The following TAOK1 variants were observed in gnomAD, a reference collection of about 807,000 sequenced individuals.
The protein encoded by TAOK1 is serine/threonine-protein kinase TAO1.
TAOK1 carries 21 observed loss-of-function variants against 138.3 expected under a neutral mutation model. That is an observed-to-expected ratio of 0.15 (90% CI 0.11 to 0.22). The LOEUF is 0.22. Ranked by LOEUF, TAOK1 falls within the 10% of genes least tolerant of loss-of-function variation. The probability of loss-of-function intolerance (pLI) is 1.00; values close to 1 mark genes in which losing one functional copy is unlikely to be tolerated. For missense variants in TAOK1, 651 were observed against 1,227.7 expected (o/e 0.53, Z 7.02); for synonymous variants, 361 against 398.4 (o/e 0.91, Z 1.12).
At chr17:29,466,282 T>C (rs1170644871) in intron 2 of TAOK1, among the ~76,000 whole-genome samples, 1 of 152,128 alleles carries the variant, frequency 6.6e-6, no homozygotes, top group African/African-American at 2.4e-5. Flanking sequence ...TAGCTGGGAT[T>C]ACAGGCGTGC....
At chr17:29,396,554 A>G (rs1463199735) in intron 1 of TAOK1, among the ~76,000 whole-genome samples, 1 of 152,222 alleles carries the variant, frequency 6.6e-6, no homozygotes, top group Non-Finnish European at 1.5e-5. Context: ...TTATTTGATC[A>G]AATAGTTTTA....
intron 1 of TAOK1, among the ~76,000 whole-genome samples, chr17:29,395,005 G>T (rs144405161): frequency 1.9e-4 from 29 of 152,300 alleles, no homozygotes; most frequent in African/African-American, 6.7e-4. Context: ...CATGCTGGGG[G>T]CTGAGGCTGG....
In TAOK1 at chr17:29,550,348, G is replaced by GT. The variant is rs1195951143; in HGVS notation, c.*7333dup. On this transcript the variant is annotated 3_prime_UTR_variant, in exon 20 of 20. Transcript: ENST00000261716. The stretch of plus-strand genomic sequence containing the variant: ...TCTGATAATTTGTAAATGCTTTAGA[G>GT]TTTTTTTAATTAACACTTGTGTTGC... The GT allele has an allele frequency of 6.6e-6, 1 of 152,090 alleles. No individual in the cohort carries two copies. Among genetic ancestry groups the GT allele is most frequent in the African/African-American group, 2.4e-5 (1 of 41,414 alleles). The allele number at this position is 152,090 out of a possible 1,614,324, so 9.4% of individuals were successfully genotyped here.
At position 29,517,672 on chromosome 17, in the gene TAOK1, G is replaced by A. The variant is rs753125239; in HGVS notation, c.1908+16G>A. On this transcript the variant is annotated intron_variant, in intron 16 of 19. Transcript: ENST00000261716. ...TGTCAGGGAGGTAAGTTTGAGTGAT[G>A]AGAAATTTTAAATCCTTTATCAAAA... is the stretch of plus-strand genomic sequence containing the variant. 10 of 1,581,784 alleles carry A rather than the reference G, an allele frequency of 6.3e-6. No homozygotes were observed. The South Asian group carries it at 9.2e-5, about 15-fold the overall frequency.
intron 9 of TAOK1, 72 bp downstream of exon 9, chr17:29,489,829 G>T (rs1220464067): frequency 4.4e-6 from 5 of 1,142,430 alleles, no homozygotes; most frequent in Admixed American, 2.5e-5. Flanking sequence ...TGTTATCAAA[G>T]TGATTTAATT....
chr17:29,410,532 C>T (rs1305715186), intron 1 of TAOK1, among the ~76,000 whole-genome samples: 8 of 149,788 alleles, frequency 5.3e-5, no homozygotes, highest in Admixed American at 3.3e-4. Flanking sequence ...GGATAACAGG[C>T]GCGAGCCACC....
intron 1 of TAOK1, among the ~76,000 whole-genome samples, chr17:29,436,706 G>A (rs1458744624): frequency 1.3e-5 from 2 of 152,134 alleles, no homozygotes; most frequent in South Asian, 2.1e-4. Context: ...TAGCAAATAC[G>A]GAGACATTAG....
At chr17:29,524,094 CT>C (rs903057493) in intron 17 of TAOK1, among the ~76,000 whole-genome samples, 1 of 152,126 alleles carries the variant, frequency 6.6e-6, no homozygotes. Context: ...AAAATTTCAC[CT>C]TGCTATATCT....
intron 1 of TAOK1, among the ~76,000 whole-genome samples, chr17:29,423,457 T>G (rs1021159336): frequency 8.6e-5 from 13 of 151,840 alleles, no homozygotes; most frequent in Non-Finnish European, 1.3e-4. Flanking sequence ...GACCTCATGA[T>G]CCACCTGCCT....
At chr17:29,508,261 T>G in intron 14 of TAOK1, 129 bp downstream of exon 14, 2 of 729,960 alleles carry the variant, frequency 2.7e-6, no homozygotes, top group Non-Finnish European at 4.6e-6. Context: ...GGAGAAGCAT[T>G]TATGTGACTT....
At chr17:29,402,454 CACCATACCTG>C (rs1904877231) in intron 1 of TAOK1, among the ~76,000 whole-genome samples, 1 of 152,040 alleles carries the variant, frequency 6.6e-6, no homozygotes, top group Non-Finnish European at 1.5e-5. Context: ...AGTCATGCGC[CACCATACCTG>C]ACTAATTCTT....
chr17:29,518,057 T>C (rs2031849332), intron 16 of TAOK1, among the ~76,000 whole-genome samples: 1 of 152,208 alleles, frequency 6.6e-6, no homozygotes, highest in Non-Finnish European at 1.5e-5. Flanking sequence ...GCTTTCGCCA[T>C]GTTGGCCAGG....
intron 1 of TAOK1, among the ~76,000 whole-genome samples, chr17:29,425,055 T>C (rs577546153): frequency 6.6e-6 from 1 of 152,288 alleles, no homozygotes; most frequent in Admixed American, 6.5e-5. Flanking sequence ...ACCATTAAAT[T>C]TATTAGTAAA....
chr17:29,458,739 G>A (rs1239029392), intron 2 of TAOK1, among the ~76,000 whole-genome samples: 1 of 151,930 alleles, frequency 6.6e-6, no homozygotes, highest in Non-Finnish European at 1.5e-5. Flanking sequence ...CTTTTGCCCA[G>A]GCTGGAATGC....
intron 1 of TAOK1, among the ~76,000 whole-genome samples, chr17:29,436,006 T>C (rs2153023031): frequency 6.6e-6 from 1 of 152,284 alleles, no homozygotes; most frequent in Non-Finnish European, 1.5e-5. Context: ...GGCTGGTGCC[T>C]GTAATCCCAG....
intron 16 of TAOK1, among the ~76,000 whole-genome samples, chr17:29,521,923 C>T (rs962842910): frequency 6.6e-6 from 1 of 152,022 alleles, no homozygotes; most frequent in Non-Finnish European, 1.5e-5. Flanking sequence ...GAGTAGACTG[C>T]GTGTAAAATA....
chr17:29,433,424 C>CAA (rs35805615), intron 1 of TAOK1, among the ~76,000 whole-genome samples: 1,104 of 91,474 alleles, frequency 0.012, 10 homozygotes, highest in Non-Finnish European at 0.019. Context: ...GACTCTGTCT[C>CAA]AAAAAAAAAA....
At chr17:29,471,284 T>G (rs983761955) in intron 3 of TAOK1, among the ~76,000 whole-genome samples, 78 of 131,480 alleles carry the variant, frequency 5.9e-4, no homozygotes, top group Admixed American at 1.3e-3. Context: ...TTCTTTTTTT[T>G]TTTTTTTTTT....
chr17:29,533,004 A>AC lies in TAOK1; in HGVS notation c.2362-1114_2362-1113insC, dbSNP rs766983857. On this transcript the variant is annotated intron_variant, in intron 18 of 19. Coordinates refer to ENST00000261716, the MANE Select transcript of TAOK1 (RefSeq NM_020791.4). ...GCAGGGGGCTGACCCCCCCACCTCC[A>AC]ACCGGGCGGGGGGCTGACCCCCACC... 1.2e-4 allele frequency among the ~76,000 whole-genome samples: 8 copies of AC among 65,396 alleles called. 1 individual carries two copies. The highest frequency in any genetic ancestry group is 4.8e-4 in the African/African-American group (8 of 16,624). The allele number at this position is 65,396 out of a possible 152,430, so 42.9% of individuals were successfully genotyped here.
Sources: allele counts gnomAD v4.1 joint callset (sites outside exome capture counted in the v4.1 genomes callset), GRCh38; gene constraint gnomAD v4.1.1; transcripts MANE v1.5; gene names NCBI Gene and HGNC (gene_info 2026-07-23, HGNC 2026-07-21).